WDR70: variants seen among roughly 807,000 people sequenced by gnomAD.
The protein encoded by WDR70 is WD repeat domain 70.
WDR70 carries 53 observed loss-of-function variants against 88.6 expected under a neutral mutation model. The ratio of observed to expected loss-of-function variants is 0.60; its 90% CI spans 0.48 to 0.75. The LOEUF (loss-of-function observed/expected upper bound fraction) is 0.75. WDR70 is among the 30% of genes least tolerant of loss of function. The pLI, the probability that WDR70 is intolerant of heterozygous loss-of-function variation, is 0.00. For missense variants in WDR70, 610 were observed against 823.2 expected (o/e 0.74, Z 3.17); for synonymous variants, 280 against 270.0 (o/e 1.04, Z -0.36).
In WDR70 at chr5:37,655,844, T is replaced by C. The variant is rs965081225; in HGVS notation, c.1093-41811T>C. On this transcript the variant is annotated intron_variant, in intron 10 of 17. Transcript: ENST00000265107. The stretch of plus-strand genomic sequence containing the variant: ...TTCTTGTTAGCAATTCCTCTAACCT[T>C]TTTTCAAGGTTCTTAGTTTCCTTGC... Among the ~76,000 whole-genome samples the C allele has an allele frequency of 2.6e-5, 4 of 152,060 alleles. No individual in the cohort carries two copies. The East Asian group carries it at 7.8e-4, about 29-fold the overall frequency.
chr5:37,695,412 AT>A (rs1488323998), intron 10 of WDR70, among the ~76,000 whole-genome samples: 3 of 152,070 alleles, frequency 2.0e-5, no homozygotes, highest in Non-Finnish European at 4.4e-5. Flanking sequence ...TGTTCATATC[AT>A]TTCCCCACCA....
chr5:37,661,963 C>T (rs899870146), intron 10 of WDR70, among the ~76,000 whole-genome samples: 9 of 152,244 alleles, frequency 5.9e-5, no homozygotes, highest in South Asian at 2.1e-4. Flanking sequence ...GCAGAATGGT[C>T]CCCAGGCAAG....
intron 9 of WDR70, among the ~76,000 whole-genome samples, chr5:37,571,286 A>G (rs1470384421): frequency 6.6e-6 from 1 of 152,184 alleles, no homozygotes; most frequent in Non-Finnish European, 1.5e-5. Flanking sequence ...ATTCCAAAAG[A>G]TGCATTGCTA....
intron 9 of WDR70, among the ~76,000 whole-genome samples, chr5:37,541,405 A>C (rs1264673537): frequency 3.9e-5 from 6 of 152,214 alleles, no homozygotes; most frequent in Admixed American, 3.9e-4. Flanking sequence ...TTTGCATTTT[A>C]GAAAATGTTT....
chr5:37,691,995 T>C (rs190237220), intron 10 of WDR70, among the ~76,000 whole-genome samples: 16 of 151,852 alleles, frequency 1.1e-4, no homozygotes, highest in Non-Finnish European at 2.1e-4. Flanking sequence ...AAGAATCAAA[T>C]AGACACAATA....
intron 9 of WDR70, among the ~76,000 whole-genome samples, chr5:37,560,773 T>C (rs1386154253): frequency 6.6e-6 from 1 of 151,978 alleles, no homozygotes; most frequent in Non-Finnish European, 1.5e-5. Context: ...CTATTCGTCA[T>C]TTATTTTATT....
At chr5:37,449,504 A>G (rs760572234) in intron 7 of WDR70, among the ~76,000 whole-genome samples, 6 of 151,714 alleles carry the variant, frequency 4.0e-5, no homozygotes, top group Non-Finnish European at 7.4e-5. Context: ...AGGCAAGAGA[A>G]TCGCTTGAAC....
intron 10 of WDR70, among the ~76,000 whole-genome samples, chr5:37,633,038 ATAT>A (rs1314588351): frequency 6.6e-6 from 1 of 152,214 alleles, no homozygotes; most frequent in Non-Finnish European, 1.5e-5. Flanking sequence ...CAGTATAGTA[ATAT>A]TCTGTACAGG....
intron 10 of WDR70, among the ~76,000 whole-genome samples, chr5:37,625,819 T>C (rs1744647537): frequency 6.6e-6 from 1 of 152,010 alleles, no homozygotes; most frequent in Non-Finnish European, 1.5e-5. Flanking sequence ...TTGAGCCACC[T>C]CTCCCAGCCT....
At chr5:37,593,705 G>C (rs956480420) in intron 9 of WDR70, among the ~76,000 whole-genome samples, 2 of 152,180 alleles carry the variant, frequency 1.3e-5, no homozygotes, top group Admixed American at 6.5e-5. Context: ...TCTAGTTCTA[G>C]ATCCTTGAGG....
chr5:37,694,522 A>T lies in WDR70; in HGVS notation c.1093-3133A>T, dbSNP rs150428170. On this transcript the variant is annotated intron_variant, in intron 10 of 17. Coordinates refer to ENST00000265107, the MANE Select transcript of WDR70 (RefSeq NM_018034.4). ...ACCATGGAATACTATGCAGCCATAAAAAAGGATGAGTTCATGTCTTTCAGG... is the reference window on the plus strand; with the variant it reads ...ACCATGGAATACTATGCAGCCATAATAAAGGATGAGTTCATGTCTTTCAGG... Among the ~76,000 whole-genome samples the T allele has an allele frequency of 3.3e-4, 51 of 152,358 alleles. 1 individual carries two copies. The East Asian group carries it at 9.1e-3, about 27-fold the overall frequency.
At position 37,483,545 on chromosome 5, in the gene WDR70, C is replaced by T. The variant is rs192025252; in HGVS notation, c.840+3558C>T. ...ACCATCTGATTTCTCTATCTTTCCC[C>T]CACCTTTCCCCCTTTTCTATTCCAC... On this transcript the variant is annotated intron_variant, in intron 8 of 17. Coordinates refer to ENST00000265107, the MANE Select transcript of WDR70 (RefSeq NM_018034.4). Among the ~76,000 whole-genome samples, 594 of 152,342 alleles carry T rather than the reference C, an allele frequency of 3.9e-3. 3 individuals are homozygous for T. Among genetic ancestry groups the T allele is most frequent in the African/African-American group, 0.013 (535 of 41,584 alleles).
chr5:37,699,080 A>G (rs979240092), intron 11 of WDR70, among the ~76,000 whole-genome samples: 3 of 151,964 alleles, frequency 2.0e-5, no homozygotes, highest in African/African-American at 7.2e-5. Context: ...TAATTGCTCC[A>G]CTTAGGAATT....
At position 37,397,204 on chromosome 5, in the gene WDR70, C is replaced by T. The variant is rs191758698; in HGVS notation, c.492+634C>T. On this transcript the variant is annotated intron_variant, in intron 5 of 17. Coordinates refer to ENST00000265107, the MANE Select transcript of WDR70 (RefSeq NM_018034.4). ...TGACTGTGGAGTTTATTACTGACAG[C>T]CTGTATTGAAAGAACTTCAGGAGGA... Among the ~76,000 whole-genome samples the T allele has an allele frequency of 4.6e-3, 687 of 149,902 alleles. 4 individuals carry two copies. The highest frequency in any genetic ancestry group is 4.9e-3 in the Non-Finnish European group (332 of 67,608).
chr5:37,415,444 C>G (rs1340451139), intron 5 of WDR70, among the ~76,000 whole-genome samples: 1 of 89,106 alleles, frequency 1.1e-5, no homozygotes, highest in African/African-American at 3.1e-5. Flanking sequence ...GACGGGGCGG[C>G]TGGCCGGGCC....
chr5:37,493,618 G>T (rs562845929), intron 8 of WDR70, among the ~76,000 whole-genome samples: 28 of 152,274 alleles, frequency 1.8e-4, no homozygotes, highest in African/African-American at 6.7e-4. Context: ...TAGCTACGTT[G>T]TGCCAGACTT....
At chr5:37,391,596 C>G (rs1235283986) in intron 3 of WDR70, among the ~76,000 whole-genome samples, 1 of 152,208 alleles carries the variant, frequency 6.6e-6, no homozygotes, top group African/African-American at 2.4e-5. Context: ...ATTGCAGAAT[C>G]TCCTTCCTTT....
chr5:37,403,175 T>C (rs1171558029), intron 5 of WDR70, among the ~76,000 whole-genome samples: 1 of 152,086 alleles, frequency 6.6e-6, no homozygotes, highest in East Asian at 1.9e-4. Context: ...CTTGAACTCC[T>C]GGCCTCAAGT....
At chr5:37,595,638 C>T (rs1479373299) in intron 9 of WDR70, among the ~76,000 whole-genome samples, 24 of 152,142 alleles carry the variant, frequency 1.6e-4, no homozygotes. Context: ...ATAGCCTAAA[C>T]AATTTTGAAA....
Sources: gnomAD v4.1 joint callset for allele counts (sites outside exome capture counted in the v4.1 genomes callset) on GRCh38, gnomAD v4.1.1 for gene constraint, MANE v1.5 for transcripts, NCBI Gene and HGNC (gene_info 2026-07-23, HGNC 2026-07-21) for gene names.